SCARF1: variants seen among roughly 807,000 people sequenced by gnomAD.
SCARF1 encodes scavenger receptor class F member 1.
In SCARF1, 49 loss-of-function variants were observed where a neutral mutation model predicts 76.3. The observed-to-expected ratio is 0.64, with a 90% CI of 0.51 to 0.81. The LOEUF (loss-of-function observed/expected upper bound fraction) is 0.81. Ranked by LOEUF, SCARF1 falls within the 40% of genes least tolerant of loss-of-function variation. The probability of loss-of-function intolerance (pLI) is 0.00; values close to 1 mark genes in which losing one functional copy is unlikely to be tolerated. For synonymous variants in SCARF1, 495 were observed against 474.6 expected, an observed-to-expected ratio of 1.04 and a Z score of -0.56; for missense variants, 1,098 against 1,143.9, an observed-to-expected ratio of 0.96 and a Z score of 0.58.
chr17:1,645,342 C>G lies in SCARF1; in HGVS notation c.102-103G>C. On this transcript the variant is annotated intron_variant, in intron 1 of 10. Transcript: ENST00000263071. The surrounding 1 kb of genome is among the most constrained non-coding windows in gnomAD (Gnocchi z 6.3). Reference sequence around the variant, plus strand: ...GCTGCAGTGGGGGAGGCTGCCTTAGCCCCCTGGGGAGGCCTAATGGATCTT... The same window carrying G: ...GCTGCAGTGGGGGAGGCTGCCTTAGGCCCCTGGGGAGGCCTAATGGATCTT... 1 of 1,475,380 alleles carries G rather than the reference C, an allele frequency of 6.8e-7. No individual in the cohort carries two copies. Among genetic ancestry groups the G allele is most frequent in the African/African-American group, 1.4e-5 (1 of 72,326 alleles). 91.4% of individuals were successfully genotyped at this position (1,475,380 alleles called of 1,614,324 possible). A position where few individuals can be genotyped will look rare whatever the true frequency, so the allele number is the denominator to read the frequency against.
In SCARF1 at chr17:1,643,879, G is replaced by A. The variant is rs2151101082; in HGVS notation, c.354C>T (p.Cys118=). 1 of 1,307,474 alleles carries A rather than the reference G, an allele frequency of 7.6e-7. No individual in the cohort carries two copies. The highest frequency in any genetic ancestry group is 9.7e-7 in the Non-Finnish European group (1 of 1,032,334). The allele number at this position is 1,307,474 out of a possible 1,614,324, so 81.0% of individuals were successfully genotyped here. ...CTCCCCAGCGGTCGGCCTGGCACTG[G>A]CACGCGCCCGTGGCTGGCTCGCACT... The part of the protein sequence containing the change: ...HGQCEPATGA[C]QCQADRWGAR... Residue 118 remains cysteine, a synonymous_variant, in exon 4 of 11, where the codon TGC becomes TGT. Coordinates refer to ENST00000263071, the MANE Select transcript of SCARF1 (RefSeq NM_003693.4).
At chr17:1,637,767 C>G (rs554560817) in intron 8 of SCARF1, among the ~76,000 whole-genome samples, 1 of 152,164 alleles carries the variant, frequency 6.6e-6, no homozygotes, top group Non-Finnish European at 1.5e-5. Flanking sequence ...TCACTGCGCC[C>G]GGCGCACCTG....
chr17:1,645,321 C>T lies in SCARF1; in HGVS notation c.102-82G>A. ...GAAGGTGGATCACTGTCTCTGGCTGCAGTGGGGGAGGCTGCCTTAGCCCCC... is the reference window on the plus strand; with the variant it reads ...GAAGGTGGATCACTGTCTCTGGCTGTAGTGGGGGAGGCTGCCTTAGCCCCC... On this transcript the variant is annotated intron_variant, in intron 1 of 10. Transcript: ENST00000263071. This position sits in a 1 kb window ranked among gnomAD's most constrained non-coding sequence, Gnocchi z 6.3. 6.5e-7 allele frequency: 1 copy of T among 1,545,860 alleles called. No homozygotes were observed. The highest frequency in any genetic ancestry group is 1.1e-5 in the South Asian group (1 of 87,588).
chr17:1,633,861 A>G lies in SCARF1; in HGVS notation c.*897T>C, dbSNP rs1055785992. On this transcript the variant is annotated 3_prime_UTR_variant, in exon 11 of 11. Coordinates refer to ENST00000263071, the MANE Select transcript of SCARF1 (RefSeq NM_003693.4). ...AGGAAATCTCCGTTTTACTTTATAC[A>G]TGTCTGTAATGTTAGTACTTTTTAT... The G allele has an allele frequency of 2.0e-5, 3 of 152,194 alleles. No homozygotes were observed. Among genetic ancestry groups the G allele is most frequent in the Non-Finnish European group, 2.9e-5 (2 of 68,030 alleles). 9.4% of individuals were successfully genotyped at this position (152,194 alleles called of 1,614,324 possible).
At position 1,634,883 on chromosome 17, in the gene SCARF1, C is replaced by G; in HGVS notation, c.2368G>C (p.Ala790Pro). The change falls in exon 11 of 11, where the codon GCC becomes CCC. Residue 790 changes from alanine to proline, a missense_variant. Ala to Pro is a conservative substitution (Grantham distance 27, BLOSUM62 -1). Transcript: ENST00000263071. ...CCACAGCCAGAGACTGGCTCCTGGG[C>G]TCTCCTTGAACTCTCGGTGCCAGCC... ...LGAGTESSRR[A>P]QEPVSGCGSP... is the part of the protein sequence containing the mutation. 1 of 1,614,000 alleles carries G rather than the reference C, an allele frequency of 6.2e-7. No homozygotes were observed. The highest frequency in any genetic ancestry group is 1.1e-5 in the South Asian group (1 of 91,078).
Position 1,645,223 on chromosome 17 carries a change from G to A in SCARF1, c.118C>T (p.Gln40Ter). The change falls in exon 2 of 11, where the codon CAG (glutamine) becomes TAG (stop). Residue 40 changes from glutamine (Q) to a stop codon, truncating the protein, a stop_gained. Transcript: ENST00000263071. LOFTEE classifies it high-confidence loss of function. The surrounding 1 kb of genome is among the most constrained non-coding windows in gnomAD (Gnocchi z 6.3). Reference protein sequence around the residue: ...CVASSPSAELQCCAGWRQKDQ... With the variant: ...CVASSPSAEL The stretch of plus-strand genomic sequence containing the variant: ...TTCTGCCTCCAGCCTGCGCAGCACT[G>A]CAGCTCAGCAGAGGGGCTGTGGGGC... 6.2e-7 allele frequency: 1 copy of A among 1,613,502 alleles called. No homozygotes were observed.
Position 1,634,428 on chromosome 17 carries a change from A to C in SCARF1, c.*330T>G. The C allele has an allele frequency of 2.5e-6, 1 of 397,360 alleles. No homozygotes were observed. The allele number at this position is 397,360 out of a possible 1,614,324, so 24.6% of individuals were successfully genotyped here. A position where few individuals can be genotyped will look rare whatever the true frequency, so the allele number is the denominator to read the frequency against. On this transcript the variant is annotated 3_prime_UTR_variant, in exon 11 of 11. Coordinates refer to ENST00000263071, the MANE Select transcript of SCARF1 (RefSeq NM_003693.4). ...AAATTTGTTTAGCCAATCTTTTATC[A>C]GCAAACATGTAGGTTGTTTGCTATT... is the stretch of plus-strand genomic sequence containing the variant.
Position 1,645,216 on chromosome 17 carries a change from C to T in SCARF1, c.125G>A (p.Cys42Tyr). 6.2e-7 allele frequency: 1 copy of T among 1,613,594 alleles called. No individual in the cohort carries two copies. The highest frequency in any genetic ancestry group is 8.5e-7 in the Non-Finnish European group (1 of 1,179,982). Residue 42 changes from cysteine (C) to tyrosine (Y), a missense_variant, in exon 2 of 11, where the codon TGC (cysteine) becomes TAC (tyrosine). Physicochemically the swap from Cys to Tyr is radical, Grantham distance 194 (BLOSUM62 -2). Coordinates refer to ENST00000263071, the MANE Select transcript of SCARF1 (RefSeq NM_003693.4). The surrounding 1 kb of genome is among the most constrained non-coding windows in gnomAD (Gnocchi z 6.3). Reference protein sequence around the residue: ...ASSPSAELQCCAGWRQKDQEC... With the variant: ...ASSPSAELQCYAGWRQKDQEC... ...TTGATCCTTCTGCCTCCAGCCTGCG[C>T]AGCACTGCAGCTCAGCAGAGGGGCT...
rs939187115 is a variant in SCARF1 at position 1,644,077 on chromosome 17, C to T, written c.266-110G>A. 6.9e-6 allele frequency: 6 copies of T among 865,522 alleles called. No homozygotes were observed. In the African/African-American group the frequency reaches 8.8e-5, roughly 13 times the overall value. The allele number at this position is 865,522 out of a possible 1,614,324, so 53.6% of individuals were successfully genotyped here. On this transcript the variant is annotated intron_variant, in intron 3 of 10. Coordinates refer to ENST00000263071, the MANE Select transcript of SCARF1 (RefSeq NM_003693.4). The surrounding 1 kb of genome is among the most constrained non-coding windows in gnomAD (Gnocchi z 4.8). ...GGCGCTGGGCCCATCCTCCAAGAGC[C>T]GGGGACAGACCCTCAGAACATCCGG...
intron 10 of SCARF1, 67 bp from the exon 11 acceptor site, chr17:1,635,684 C>T (rs1909499157): frequency 6.6e-7 from 1 of 1,505,320 alleles, no homozygotes; most frequent in Non-Finnish European, 8.8e-7. Context: ...CTACCCACAG[C>T]TCAGCATCTT....
Position 1,634,833 on chromosome 17 carries a change from CTTCTGGGGATCCTG to C in SCARF1, c.2404_2417del (p.Gln802AlafsTer3). 4 of 1,613,910 alleles carry C rather than the reference CTTCTGGGGATCCTG, an allele frequency of 2.5e-6. No homozygotes were observed. Among genetic ancestry groups the C allele is most frequent in the Admixed American group, 1.7e-5 (1 of 59,992 alleles). On this transcript the variant is annotated frameshift_variant, in exon 11 of 11. Coordinates refer to ENST00000263071, the MANE Select transcript of SCARF1 (RefSeq NM_003693.4). LOFTEE classifies it high-confidence loss of function. ...CCTCCTGCCTTTCCTCTTCAGCCTG[CTTCTGGGGATCCTG>C]TTCTGGGGAGCCACAGCCAGAGACT...
rs1257852749 is a variant in SCARF1, at chr17:1,640,401, G to A, written c.1010+47C>T. 6.7e-7 allele frequency: 1 copy of A among 1,491,080 alleles called. No homozygotes were observed. The highest frequency in any genetic ancestry group is 2.0e-5 in the Admixed American group (1 of 50,328). 92.4% of individuals were successfully genotyped at this position (1,491,080 alleles called of 1,614,324 possible). A position where few individuals can be genotyped will look rare whatever the true frequency, so the allele number is the denominator to read the frequency against. On this transcript the variant is annotated intron_variant, in intron 5 of 10. Coordinates refer to ENST00000263071, the MANE Select transcript of SCARF1 (RefSeq NM_003693.4). The surrounding 1 kb of genome is among the most constrained non-coding windows in gnomAD (Gnocchi z 4.7). The stretch of plus-strand genomic sequence containing the variant: ...CTCGGAGAGAGCCGCTGAGCTGAGG[G>A]TCCTGGGGGAAGGTGTACCCCACCC...
chr17:1,645,617 C>T lies in SCARF1; in HGVS notation c.81G>A (p.Gln27=). The change falls in exon 1 of 11, where the codon CAG becomes CAA. Residue 27 remains glutamine (Q), a synonymous_variant. Coordinates refer to ENST00000263071, the MANE Select transcript of SCARF1 (RefSeq NM_003693.4). This position sits in a 1 kb window ranked among gnomAD's most constrained non-coding sequence, Gnocchi z 6.3. ...TQGSELDPKG[Q]HVCVASSPSA... ...CCCACCTGCTGGCCACACAGACGTG[C>T]TGCCCTTTGGGGTCCAGCTCGGACC... 4.4e-6 allele frequency: 7 copies of T among 1,607,878 alleles called. No individual in the cohort carries two copies. Among genetic ancestry groups the T allele is most frequent in the Non-Finnish European group, 5.9e-6 (7 of 1,179,168 alleles).
Position 1,635,460 on chromosome 17 carries a change from C to G in SCARF1, c.1791G>C (p.Lys597Asn). 3 of 1,614,098 alleles carry G rather than the reference C, an allele frequency of 1.9e-6. No individual in the cohort carries two copies. Among genetic ancestry groups the G allele is most frequent in the Non-Finnish European group, 2.5e-6 (3 of 1,179,974 alleles). The change falls in exon 11 of 11, where the codon AAG (lysine) becomes AAC (asparagine). Residue 597 changes from lysine (K) to asparagine (N), a missense_variant. Transcript: ENST00000263071. The stretch of plus-strand genomic sequence containing the variant: ...AGCTTCGGCGACTCTGTGGTGCAAA[C>G]TTGGTACCTTCCGCGAAGGAGACCG... The part of the protein sequence containing the change: ...RPSVSFAEGT[K>N]FAPQSRRSSG...
Position 1,643,616 on chromosome 17 carries a change from C to A in SCARF1, c.617G>T (p.Gly206Val). The A allele has an allele frequency of 6.8e-7, 1 of 1,474,332 alleles. No homozygotes were observed. The highest frequency in any genetic ancestry group is 2.4e-5 in the Admixed American group (1 of 42,038). 91.3% of individuals were successfully genotyped at this position (1,474,332 alleles called of 1,614,324 possible). A position where few individuals can be genotyped will look rare whatever the true frequency, so the allele number is the denominator to read the frequency against. ...CCAGCCCGGCCGGCAGGCGCAGCGG[C>A]CGGAGTCCTGCTCGCACGGGGAGCC... ...CHGSPCEQDS[G>V]RCACRPGWWG... The change falls in exon 4 of 11, where the codon GGC becomes GTC. Residue 206 changes from glycine to valine, a missense_variant. Gly to Val is a moderately radical substitution (Grantham distance 109). Coordinates refer to ENST00000263071, the MANE Select transcript of SCARF1 (RefSeq NM_003693.4).
intron 6 of SCARF1, 46 bp downstream of exon 6, chr17:1,639,866 A>C: frequency 6.2e-7 from 1 of 1,611,312 alleles, no homozygotes; most frequent in Non-Finnish European, 8.5e-7. Flanking sequence ...CAGAGCCCTG[A>C]CCTAGGCCCC....
chr17:1,639,627 C>A lies in SCARF1; in HGVS notation c.1243+12G>T. ...CCTGGCTACTGCACCCCGCAGCCTT[C>A]TTCCACCTTACCTGGCTGGCAGGAC... On this transcript the variant is annotated intron_variant, in intron 7 of 10. Coordinates refer to ENST00000263071, the MANE Select transcript of SCARF1 (RefSeq NM_003693.4). 1 of 1,552,700 alleles carries A rather than the reference C, an allele frequency of 6.4e-7. No homozygotes were observed. The highest frequency in any genetic ancestry group is 1.4e-5 in the African/African-American group (1 of 73,646).
intron 4 of SCARF1, among the ~76,000 whole-genome samples, chr17:1,641,486 A>G (rs1010498859): frequency 6.6e-6 from 1 of 152,226 alleles, no homozygotes; most frequent in African/African-American, 2.4e-5. Context: ...ATTGTCTGCC[A>G]TGAAACCAGT....
chr17:1,638,958 C>G (rs1239016431), intron 7 of SCARF1, 32 bp from the exon 8 acceptor site: 3 of 1,556,904 alleles, frequency 1.9e-6, no homozygotes, highest in Non-Finnish European at 2.6e-6. Flanking sequence ...GATATTCAGG[C>G]CTTCCTGTCT....
Sources: allele counts gnomAD v4.1 joint callset (sites outside exome capture counted in the v4.1 genomes callset), GRCh38; gene constraint gnomAD v4.1.1; non-coding constraint Gnocchi (gnomAD v3.1); transcripts MANE v1.5; gene names NCBI Gene and HGNC (gene_info 2026-07-23, HGNC 2026-07-21).